The following SYNPR variants were observed in gnomAD, a reference collection of about 807,000 sequenced individuals.
SYNPR encodes the protein synaptoporin.
In SYNPR, 23 loss-of-function variants were observed where a neutral mutation model predicts 32.9. The ratio of observed to expected loss-of-function variants is 0.70; its 90% CI spans 0.50 to 0.99. SYNPR has a LOEUF of 0.99. Among genes scored for constraint, SYNPR ranks in the 50% least tolerant of loss-of-function variants. The pLI is 0.00. For missense variants in SYNPR, 318 were observed against 349.3 expected (o/e 0.91, Z 0.71); for synonymous variants, 146 against 135.9 (o/e 1.07, Z -0.52).
At chr3:63,426,848 C>T (rs951904104) in intron 2 of SYNPR, 1 of 152,172 alleles carries the variant, frequency 6.6e-6, no homozygotes, top group African/African-American at 2.4e-5. Context: ...CACTGCAGGG[C>T]AGTTCTGGTG....
intron 2 of SYNPR, among the ~76,000 whole-genome samples, chr3:63,363,094 T>A (rs772264701): frequency 1.3e-5 from 2 of 152,226 alleles, no homozygotes; most frequent in Admixed American, 6.5e-5. Context: ...TTTAGAATAA[T>A]GTTCTTGTGT....
chr3:63,481,403 T>C (rs1358269388), intron 3 of SYNPR, among the ~76,000 whole-genome samples: 2 of 151,690 alleles, frequency 1.3e-5, no homozygotes, highest in Non-Finnish European at 2.9e-5. Context: ...CTGTATACTA[T>C]GGAACACATC....
intron 3 of SYNPR, among the ~76,000 whole-genome samples, chr3:63,546,636 C>A (rs1702408485): frequency 6.6e-6 from 1 of 151,866 alleles, no homozygotes; most frequent in Non-Finnish European, 1.5e-5. Flanking sequence ...TTTATTATTA[C>A]CCTCCTTAAA....
intron 3 of SYNPR, among the ~76,000 whole-genome samples, chr3:63,539,958 C>T (rs1702270364): frequency 6.6e-6 from 1 of 152,136 alleles, no homozygotes; most frequent in South Asian, 2.1e-4. Flanking sequence ...CCAGCTGTGC[C>T]TGCTTGCAGC....
At chr3:63,289,514 C>G (rs954791928) in intron 2 of SYNPR, 2 of 153,856 alleles carry the variant, frequency 1.3e-5, no homozygotes, top group Non-Finnish European at 2.9e-5. Context: ...GGAGAAGGTG[C>G]CAGTTTCTTT....
intron 2 of SYNPR, among the ~76,000 whole-genome samples, chr3:63,287,843 G>A (rs2106926620): frequency 6.6e-6 from 1 of 152,194 alleles, no homozygotes; most frequent in Admixed American, 6.5e-5. Flanking sequence ...AAGGAAACAG[G>A]GCTATTATAG....
intron 2 of SYNPR, among the ~76,000 whole-genome samples, chr3:63,414,024 A>C (rs1288053853): frequency 6.7e-6 from 1 of 149,772 alleles, no homozygotes; most frequent in Non-Finnish European, 1.5e-5. Flanking sequence ...ATATATATAT[A>C]GAGAGAGAGA....
chr3:63,236,810 G>A (rs556142451), intron 1 of SYNPR, among the ~76,000 whole-genome samples: 1 of 152,038 alleles, frequency 6.6e-6, no homozygotes, highest in Non-Finnish European at 1.5e-5. Flanking sequence ...CCACTAATAT[G>A]AACAGTTTTA....
chr3:63,322,798 C>T (rs2087124622), intron 2 of SYNPR, among the ~76,000 whole-genome samples: 1 of 152,004 alleles, frequency 6.6e-6, no homozygotes, highest in Non-Finnish European at 1.5e-5. Context: ...TAAACATATA[C>T]AAAGGAATTT....
chr3:63,312,724 G>A (rs1425597428), intron 2 of SYNPR, among the ~76,000 whole-genome samples: 2 of 151,884 alleles, frequency 1.3e-5, no homozygotes, highest in Non-Finnish European at 2.9e-5. Flanking sequence ...CTTCCATGGT[G>A]GCACAGCCCC....
chr3:63,539,823 G>A (rs1352973930), intron 3 of SYNPR, among the ~76,000 whole-genome samples: 1 of 152,120 alleles, frequency 6.6e-6, no homozygotes, highest in African/African-American at 2.4e-5. Context: ...GATCCTCTGA[G>A]AAACTGTATG....
intron 1 of SYNPR, among the ~76,000 whole-genome samples, chr3:63,235,786 A>T (rs1376499531): frequency 6.6e-6 from 1 of 152,110 alleles, no homozygotes; most frequent in African/African-American, 2.4e-5. Flanking sequence ...TGAGGTTTGC[A>T]AATATTTTCT....
chr3:63,399,635 G>A (rs1386762132), intron 2 of SYNPR, among the ~76,000 whole-genome samples: 3 of 152,052 alleles, frequency 2.0e-5, no homozygotes, highest in Non-Finnish European at 2.9e-5. Context: ...GGGAGGTTAG[G>A]TTTCAATATA....
intron 3 of SYNPR, among the ~76,000 whole-genome samples, chr3:63,272,049 G>A (rs1390660270): frequency 3.3e-5 from 5 of 152,192 alleles, no homozygotes; most frequent in Non-Finnish European, 7.3e-5. Context: ...CTTCTTAAAA[G>A]TATATGTTGT....
At chr3:63,228,616 C>T (rs2086146308) in intron 1 of SYNPR, among the ~76,000 whole-genome samples, 1 of 151,754 alleles carries the variant, frequency 6.6e-6, no homozygotes. Context: ...TTCAGTTTAC[C>T]ACACTCTCAA....
At chr3:63,267,829 A>C (rs1488659906) in intron 3 of SYNPR, among the ~76,000 whole-genome samples, 1 of 152,188 alleles carries the variant, frequency 6.6e-6, no homozygotes, top group African/African-American at 2.4e-5. Context: ...GGCAGTAATC[A>C]AGAGTCATGC....
intron 1 of SYNPR, among the ~76,000 whole-genome samples, chr3:63,249,206 T>C (rs1455070612): frequency 1.3e-5 from 2 of 152,136 alleles, no homozygotes; most frequent in Non-Finnish European, 2.9e-5. Context: ...ATCACTCGTA[T>C]AACTAAAGAC....
In SYNPR at chr3:63,589,764, C is replaced by T. The variant is rs113427183; in HGVS notation, c.409-19361C>T. ...TGACAAAATTCAACAACCCTTCATG[C>T]TAAAAACTCTCAATAAATTAGGTAT... On this transcript the variant is annotated intron_variant, in intron 4 of 5. Transcript: ENST00000478300. 3.3e-3 allele frequency among the ~76,000 whole-genome samples: 383 copies of T among 117,412 alleles called. 4 individuals are homozygous for T. Among genetic ancestry groups the T allele is most frequent in the African/African-American group, 0.012 (359 of 29,738 alleles). The allele number at this position is 117,412 out of a possible 152,430, so 77.0% of individuals were successfully genotyped here.
chr3:63,573,567 A>G (rs1702927254), intron 4 of SYNPR, among the ~76,000 whole-genome samples: 1 of 152,204 alleles, frequency 6.6e-6, no homozygotes, highest in Admixed American at 6.6e-5. Context: ...TGAAGTCATC[A>G]TCACTTTCTA....
Sources: allele counts gnomAD v4.1 joint callset (sites outside exome capture counted in the v4.1 genomes callset), GRCh38; gene constraint gnomAD v4.1.1; transcripts MANE v1.5; gene names NCBI Gene and HGNC (gene_info 2026-07-23, HGNC 2026-07-21).